CBX7: variants seen among roughly 807,000 people sequenced by gnomAD.
CBX7 encodes the protein chromobox protein homolog 7.
In CBX7, 14 loss-of-function variants were observed where a neutral mutation model predicts 31.4. The ratio of observed to expected loss-of-function variants is 0.45; its 90% CI spans 0.29 to 0.70. The LOEUF is 0.70. Among genes scored for constraint, CBX7 ranks in the 30% least tolerant of loss-of-function variants. The probability of loss-of-function intolerance (pLI) is 0.11; values close to 1 mark genes in which losing one functional copy is unlikely to be tolerated. For missense variants in CBX7, 269 were observed against 351.9 expected (o/e 0.76, Z 1.89); for synonymous variants, 159 against 152.6 (o/e 1.04, Z -0.31).
rs1930456961 is a variant in CBX7 at position 39,141,536 on chromosome 22, G to T, written c.114-100C>A. The T allele has an allele frequency of 3.2e-6, 3 of 940,634 alleles. No individual in the cohort carries two copies. In the East Asian group the frequency reaches 8.4e-5, roughly 26 times the overall value. 58.3% of individuals were successfully genotyped at this position (940,634 alleles called of 1,614,324 possible). A position where few individuals can be genotyped will look rare whatever the true frequency, so the allele number is the denominator to read the frequency against. ...GGCCGAGGCGGGCAAATCACCTGAG[G>T]TCAGGAGTTCAAGACCAGCCTGGCC... On this transcript the variant is annotated intron_variant, in intron 2 of 5. Transcript: ENST00000216133.
At chr22:39,145,031 C>G (rs1223928831) in intron 2 of CBX7, among the ~76,000 whole-genome samples, 1 of 152,202 alleles carries the variant, frequency 6.6e-6, no homozygotes, top group African/African-American at 2.4e-5. Flanking sequence ...GTCTGGGACC[C>G]CCGACTGTGC....
intron 3 of CBX7, among the ~76,000 whole-genome samples, chr22:39,139,869 G>A (rs1930392967): frequency 6.6e-6 from 1 of 151,934 alleles, no homozygotes; most frequent in African/African-American, 2.4e-5. Context: ...GGCAGAGGTT[G>A]TAGTGAGCCA....
intron 2 of CBX7, chr22:39,149,151 G>A (rs1930765211): frequency 6.6e-6 from 1 of 152,398 alleles, no homozygotes; most frequent in Non-Finnish European, 1.5e-5. Flanking sequence ...CCAACTCCGA[G>A]ATGGGAGGCT....
chr22:39,138,279 A>T (rs1442596329), intron 4 of CBX7, among the ~76,000 whole-genome samples: 1 of 151,848 alleles, frequency 6.6e-6, no homozygotes, highest in Non-Finnish European at 1.5e-5. Context: ...TGAGATTCTC[A>T]GTGATAATTT....
At chr22:39,147,215 C>T (rs1930693958) in intron 2 of CBX7, 1 of 139,308 alleles carries the variant, frequency 7.2e-6, no homozygotes, top group African/African-American at 2.6e-5. Context: ...AGGCGCACAT[C>T]ACCATGCCTG....
Position 39,133,944 on chromosome 22 carries a change from G to A in CBX7, c.703C>T (p.Arg235Cys). The A allele has an allele frequency of 2.5e-6, 4 of 1,613,890 alleles. No individual in the cohort carries two copies. The highest frequency in any genetic ancestry group is 2.2e-5 in the East Asian group (1 of 44,860). The change falls in exon 6 of 6, where the codon CGC becomes TGC. Residue 235 changes from arginine to cysteine, a missense_variant. Arg to Cys is a radical substitution (Grantham distance 180, BLOSUM62 -3). Around this residue, in one of 2 missense-constraint regions of CBX7, gnomAD observed 222 missense variants for 240.4 expected, o/e 0.92. Transcript: ENST00000216133. ...AAGCCCTCAGCTGCCTGGGCCTCGC[G>A]GAAGGTGACGGTGATGGAGTTGGCG... ...ITANSITVTF[R>C]EAQAAEGFFR... is the part of the protein sequence containing the mutation.
chr22:39,146,138 G>A (rs970792760), intron 2 of CBX7, among the ~76,000 whole-genome samples: 1 of 152,248 alleles, frequency 6.6e-6, no homozygotes, highest in South Asian at 2.1e-4. Flanking sequence ...CACCGCTCTG[G>A]GGCCTCATCC....
At position 39,133,736 on chromosome 22, in the gene CBX7, G is replaced by C. The variant is rs1342748308; in HGVS notation, c.*155C>G. 8 of 699,876 alleles carry C rather than the reference G, an allele frequency of 1.1e-5. No homozygotes were observed. The East Asian group carries it at 1.6e-4, about 14-fold the overall frequency. The allele number at this position is 699,876 out of a possible 1,614,324, so 43.4% of individuals were successfully genotyped here. On this transcript the variant is annotated 3_prime_UTR_variant, in exon 6 of 6. Coordinates refer to ENST00000216133, the MANE Select transcript of CBX7 (RefSeq NM_175709.5). The stretch of plus-strand genomic sequence containing the variant: ...TCGTGGTAAACGTCCCTCAGAGAAA[G>C]GGCAGGTGGTGGGAGAGTAGTGGGA...
At chr22:39,149,581 A>C (rs549874511) in intron 2 of CBX7, 1 of 588,402 alleles carries the variant, frequency 1.7e-6, no homozygotes, top group East Asian at 2.9e-5. Context: ...GGGCAGGGTG[A>C]GAAGAGAAGC....
chr22:39,142,800 G>A (rs1469394067), intron 2 of CBX7, among the ~76,000 whole-genome samples: 2 of 151,884 alleles, frequency 1.3e-5, no homozygotes, highest in South Asian at 4.1e-4. Flanking sequence ...TGTCCGTGAC[G>A]GCCTGCGCAT....
intron 2 of CBX7, among the ~76,000 whole-genome samples, chr22:39,144,442 A>C (rs1013200137): frequency 6.6e-6 from 1 of 152,202 alleles, no homozygotes; most frequent in African/African-American, 2.4e-5. Context: ...AGCTATACCT[A>C]GCCTTGGCCA....
chr22:39,139,884 C>T (rs575932158), intron 3 of CBX7, among the ~76,000 whole-genome samples: 12 of 151,804 alleles, frequency 7.9e-5, no homozygotes, highest in South Asian at 4.2e-4. Flanking sequence ...GAGCCAAGAT[C>T]GCACCACTGC....
intron 4 of CBX7, among the ~76,000 whole-genome samples, chr22:39,138,139 C>T (rs529557579): frequency 2.0e-5 from 3 of 149,344 alleles, no homozygotes; most frequent in South Asian, 2.1e-4. Flanking sequence ...CAAGATCGCG[C>T]GCCACTGCAC....
At chr22:39,138,542 T>C in intron 4 of CBX7, 94 bp downstream of exon 4, 2 of 1,165,728 alleles carry the variant, frequency 1.7e-6, no homozygotes, top group Middle Eastern at 4.0e-4. Flanking sequence ...GGGACACAGA[T>C]CAGCTCAATC....
intron 2 of CBX7, among the ~76,000 whole-genome samples, chr22:39,142,497 ACC>A (rs1930496185): frequency 6.6e-6 from 1 of 152,074 alleles, no homozygotes; most frequent in Non-Finnish European, 1.5e-5. Context: ...TACCCTCGCC[ACC>A]CAGCCAGGGA....
intron 3 of CBX7, among the ~76,000 whole-genome samples, chr22:39,139,702 C>CAAA (rs67244690): frequency 1.6e-4 from 5 of 32,024 alleles, no homozygotes; most frequent in African/African-American, 3.4e-4. Context: ...GACTCCATCT[C>CAAA]AAAAAAAAAA....
chr22:39,152,363 C>T lies in CBX7; in HGVS notation c.69+13G>A. ...CCACTGGGGTCCTGGGAGCCGCCCC[C>T]GGGCAGCCTCACCTTCCGCACGCGC... is the stretch of plus-strand genomic sequence containing the variant. On this transcript the variant is annotated intron_variant, in intron 1 of 5. Coordinates refer to ENST00000216133, the MANE Select transcript of CBX7 (RefSeq NM_175709.5). This position sits in a 1 kb window ranked among gnomAD's most constrained non-coding sequence, Gnocchi z 4.9. 1 of 1,384,280 alleles carries T rather than the reference C, an allele frequency of 7.2e-7. No homozygotes were observed. Among genetic ancestry groups the T allele is most frequent in the Non-Finnish European group, 9.4e-7 (1 of 1,061,788 alleles). The allele number at this position is 1,384,280 out of a possible 1,614,324, so 85.7% of individuals were successfully genotyped here.
At chr22:39,139,563 C>T (rs1336334791) in intron 3 of CBX7, among the ~76,000 whole-genome samples, 2 of 151,810 alleles carry the variant, frequency 1.3e-5, no homozygotes, top group African/African-American at 4.8e-5. Flanking sequence ...ATTAGCCGGG[C>T]ATGGTGGCGG....
intron 1 of CBX7, among the ~76,000 whole-genome samples, chr22:39,150,581 T>G (rs556424531): frequency 1.3e-5 from 2 of 152,246 alleles, no homozygotes; most frequent in East Asian, 3.9e-4. Flanking sequence ...GAGACAAGCC[T>G]GGGCAACACG....
Sources: gnomAD v4.1 joint callset for allele counts (sites outside exome capture counted in the v4.1 genomes callset) on GRCh38, gnomAD v4.1.1 for gene constraint, gnomAD v4.1.1 regional missense constraint, Gnocchi (gnomAD v3.1) non-coding constraint, MANE v1.5 for transcripts, NCBI Gene and HGNC (gene_info 2026-07-23, HGNC 2026-07-21) for gene names.